Variants in SIAH3 observed in about 807,000 individuals in gnomAD.
SIAH3 encodes siah E3 ubiquitin protein ligase family member 3.
Under a neutral mutation model 12.6 loss-of-function variants are expected in SIAH3, and 9 were observed. That is an observed-to-expected ratio of 0.72 (90% CI 0.43 to 1.25). SIAH3 has a LOEUF of 1.25. SIAH3 is among the 50% of genes most tolerant of loss of function. The probability of loss-of-function intolerance (pLI) is 0.00; values close to 1 mark genes in which losing one functional copy is unlikely to be tolerated. For synonymous variants in SIAH3, 154 were observed against 151.1 expected, an observed-to-expected ratio of 1.02 and a Z score of -0.14; for missense variants, 390 against 365.4, an observed-to-expected ratio of 1.07 and a Z score of -0.55.
At chr13:45,797,306 G>C (rs909556409) in intron 1 of SIAH3, among the ~76,000 whole-genome samples, 1 of 152,148 alleles carries the variant, frequency 6.6e-6, no homozygotes, top group African/African-American at 2.4e-5. Flanking sequence ...CTCTAGCTCA[G>C]CCTTCTCCCA....
At chr13:45,828,701 T>G (rs1363955774) in intron 1 of SIAH3, among the ~76,000 whole-genome samples, 1 of 152,156 alleles carries the variant, frequency 6.6e-6, no homozygotes, top group Non-Finnish European at 1.5e-5. Flanking sequence ...GGGCCCGAGG[T>G]GAAGTCCATG....
At chr13:45,816,156 T>C (rs867768560) in intron 1 of SIAH3, among the ~76,000 whole-genome samples, 1 of 152,230 alleles carries the variant, frequency 6.6e-6, no homozygotes, top group Non-Finnish European at 1.5e-5. Flanking sequence ...CTGTGAGGCC[T>C]GATTGAGACC....
rs1036502925 is a variant in SIAH3, at chr13:45,777,501, A to G, written c.*5882T>C. The G allele has an allele frequency of 6.6e-6, 1 of 152,212 alleles. No homozygotes were observed. The highest frequency in any genetic ancestry group is 1.5e-5 in the Non-Finnish European group (1 of 68,030). The allele number at this position is 152,212 out of a possible 1,614,324, so 9.4% of individuals were successfully genotyped here. A position where few individuals can be genotyped will look rare whatever the true frequency, so the allele number is the denominator to read the frequency against. ...CCAAGGTGAAATACTTTCAGAAAAT[A>G]TTGGAAAAGACAAATTCTAACCCAG... On this transcript the variant is annotated 3_prime_UTR_variant, in exon 2 of 2. Transcript: ENST00000400405.
Position 45,783,461 on chromosome 13 carries a change from G to A in SIAH3, c.732C>T (p.Leu244=), listed in dbSNP as rs764569951. 8.7e-6 allele frequency: 14 copies of A among 1,614,012 alleles called. No homozygotes were observed. In the Admixed American group the frequency reaches 2.2e-4, roughly 25 times the overall value. ...CLVLNTSLAQ[L]FSDNGSLAIG... ...TGGCAAGGCTGCCGTTGTCAGAGAA[G>A]AGCTGTGCCAGCGAGGTGTTGAGGA... Residue 244 remains leucine (L), a synonymous_variant, in exon 2 of 2, where the codon CTC becomes CTT. Transcript: ENST00000400405.
At chr13:45,819,083 G>T (rs1950645568) in intron 1 of SIAH3, among the ~76,000 whole-genome samples, 1 of 152,102 alleles carries the variant, frequency 6.6e-6, no homozygotes, top group Non-Finnish European at 1.5e-5. Flanking sequence ...TCTGGCTGCA[G>T]TGTGCTTGTG....
Position 45,784,682 on chromosome 13 carries a change from C to T in SIAH3, c.136-625G>A, listed in dbSNP as rs147065117. Among the ~76,000 whole-genome samples the T allele has an allele frequency of 7.1e-3, 1,078 of 151,552 alleles. 8 individuals are homozygous for T. Among genetic ancestry groups the T allele is most frequent in the Admixed American group, 0.011 (169 of 15,242 alleles). On this transcript the variant is annotated intron_variant, in intron 1 of 1. Coordinates refer to ENST00000400405, the MANE Select transcript of SIAH3 (RefSeq NM_198849.3). ...CGCTGTGACTCCTGAGACTTTGCCG[C>T]ACCAGGCACACATCTACCCTATTTC... is the stretch of plus-strand genomic sequence containing the variant.
intron 1 of SIAH3, among the ~76,000 whole-genome samples, chr13:45,809,156 A>G (rs9534222): frequency 0.3 from 46,218 of 152,140 alleles, 8,358 homozygotes; most frequent in Non-Finnish European, 0.41. Flanking sequence ...ACTTTCAGTG[A>G]CTGCTGCCTC....
chr13:45,830,083 T>C (rs908662586), intron 1 of SIAH3, among the ~76,000 whole-genome samples: 4 of 152,198 alleles, frequency 2.6e-5, no homozygotes. Context: ...AATGAACATC[T>C]TCATAACACA....
chr13:45,782,990 C>G lies in SIAH3; in HGVS notation c.*393G>C, dbSNP rs7491319. The stretch of plus-strand genomic sequence containing the variant: ...CTCTGAAATAGACTGAAAAGAGAAA[C>G]AAGAAATGATTCTCACACGAAGCCT... On this transcript the variant is annotated 3_prime_UTR_variant, in exon 2 of 2. Transcript: ENST00000400405. 0.1 allele frequency: 15,940 copies of G among 153,434 alleles called. 884 individuals are homozygous for G. The highest frequency in any genetic ancestry group is 0.17 in the East Asian group (864 of 5,216). 9.5% of individuals were successfully genotyped at this position (153,434 alleles called of 1,614,324 possible). A position where few individuals can be genotyped will look rare whatever the true frequency, so the allele number is the denominator to read the frequency against.
chr13:45,815,411 C>T (rs762930555), intron 1 of SIAH3, among the ~76,000 whole-genome samples: 5 of 152,082 alleles, frequency 3.3e-5, no homozygotes, highest in African/African-American at 9.7e-5. Context: ...CTTTGGGCTC[C>T]GGCTATAGCA....
At chr13:45,813,566 C>T (rs1950623610) in intron 1 of SIAH3, among the ~76,000 whole-genome samples, 1 of 152,232 alleles carries the variant, frequency 6.6e-6, no homozygotes, top group Non-Finnish European at 1.5e-5. Context: ...CAGACACTTA[C>T]TAGGTTGTTG....
chr13:45,804,963 A>AACACACACACAC (rs56315825), intron 1 of SIAH3, among the ~76,000 whole-genome samples: 42 of 135,914 alleles, frequency 3.1e-4, no homozygotes, highest in Middle Eastern at 3.7e-3. Context: ...TCCCATTTAT[A>AACACACACACAC]ACACACACAC....
intron 1 of SIAH3, among the ~76,000 whole-genome samples, chr13:45,814,478 C>T (rs1950627421): frequency 1.3e-5 from 2 of 151,920 alleles, no homozygotes; most frequent in Non-Finnish European, 2.9e-5. Flanking sequence ...TAGAAGTGAC[C>T]TCTGGGAGGA....
chr13:45,834,862 C>T (rs944133981), intron 1 of SIAH3, among the ~76,000 whole-genome samples: 2 of 152,172 alleles, frequency 1.3e-5, no homozygotes, highest in Admixed American at 1.3e-4. Flanking sequence ...GATCCCTCAT[C>T]TATATAATCA....
rs1171145005 is a variant in SIAH3 at position 45,777,837 on chromosome 13, C to T, written c.*5546G>A. On this transcript the variant is annotated 3_prime_UTR_variant, in exon 2 of 2. Transcript: ENST00000400405. ...CAAGTAGAAACTTCAGCAACCCTCA[C>T]TTCTTCCATCCCTTCCACTGAAACC... 2 of 152,364 alleles carry T rather than the reference C, an allele frequency of 1.3e-5. No homozygotes were observed. The highest frequency in any genetic ancestry group is 3.9e-4 in the East Asian group (2 of 5,184). 9.4% of individuals were successfully genotyped at this position (152,364 alleles called of 1,614,324 possible).
chr13:45,837,114 T>C (rs1028383682), intron 1 of SIAH3, among the ~76,000 whole-genome samples: 1 of 152,200 alleles, frequency 6.6e-6, no homozygotes, highest in African/African-American at 2.4e-5. Flanking sequence ...CAGCTTCACA[T>C]GGAGAAAACA....
chr13:45,811,260 T>C (rs940365166), intron 1 of SIAH3, among the ~76,000 whole-genome samples: 3 of 152,188 alleles, frequency 2.0e-5, no homozygotes, highest in Non-Finnish European at 4.4e-5. Flanking sequence ...CCTTTGAGCT[T>C]AGTGAGGCAG....
intron 1 of SIAH3, among the ~76,000 whole-genome samples, chr13:45,831,620 A>G (rs959484252): frequency 2.0e-5 from 3 of 152,208 alleles, no homozygotes; most frequent in Non-Finnish European, 4.4e-5. Context: ...AGGCAGGGAC[A>G]CCATAGAAAC....
At chr13:45,822,723 T>C (rs1457858697) in intron 1 of SIAH3, among the ~76,000 whole-genome samples, 2 of 151,874 alleles carry the variant, frequency 1.3e-5, no homozygotes, top group African/African-American at 4.8e-5. Flanking sequence ...ATCCTCAGCC[T>C]GGATGACAAA....
Sources: allele counts gnomAD v4.1 joint callset (sites outside exome capture counted in the v4.1 genomes callset), GRCh38; gene constraint gnomAD v4.1.1; transcripts MANE v1.5; gene names NCBI Gene and HGNC (gene_info 2026-07-23, HGNC 2026-07-21).